Variants in KLRK1 observed in about 807,000 individuals in gnomAD.
The protein encoded by KLRK1 is NKG2-D type II integral membrane protein.
Under a neutral mutation model 31.3 loss-of-function variants are expected in KLRK1, and 40 were observed. The ratio of observed to expected loss-of-function variants is 1.28; its 90% CI spans 0.99 to 1.67. The LOEUF (loss-of-function observed/expected upper bound fraction) is 1.67, where lower values mean the gene tolerates loss of function less well. Among genes scored for constraint, KLRK1 ranks in the 40% most tolerant of loss-of-function variants. The probability of loss-of-function intolerance (pLI) is 0.00; values close to 1 mark genes in which losing one functional copy is unlikely to be tolerated. For synonymous variants in KLRK1, 77 were observed against 77.3 expected (o/e 1.00, Z 0.02); for missense variants, 251 against 260.0 (o/e 0.97, Z 0.24).
At chr12:10,375,101 A>T (rs60033883) in intron 7 of KLRK1, among the ~76,000 whole-genome samples, 1 of 152,186 alleles carries the variant, frequency 6.6e-6, no homozygotes, top group Admixed American at 6.5e-5. Flanking sequence ...TCTAAGGTAT[A>T]CTGGGGCTTC....
At chr12:10,374,322 A>G (rs1162610737) in intron 7 of KLRK1, among the ~76,000 whole-genome samples, 1 of 141,200 alleles carries the variant, frequency 7.1e-6, no homozygotes, top group Non-Finnish European at 1.5e-5. Flanking sequence ...CCCAGCTGAG[A>G]TTTTTTAATA....
At chr12:10,377,201 C>T (rs7952993) in intron 7 of KLRK1, among the ~76,000 whole-genome samples, 8,813 of 152,206 alleles carry the variant, frequency 0.058, 550 homozygotes, top group South Asian at 0.27. Context: ...TTACATACTG[C>T]TAGGTAGAAA....
At position 10,380,158 on chromosome 12, in the gene KLRK1, T is replaced by C. The variant is rs548231651; in HGVS notation, c.149-366A>G. ...TCGGCTCACTGCAAGCTCCACCTCCTGGGTTCACGCCATTCTCCTGCCTCA... is the reference window on the plus strand; with the variant it reads ...TCGGCTCACTGCAAGCTCCACCTCCCGGGTTCACGCCATTCTCCTGCCTCA... On this transcript the variant is annotated intron_variant, in intron 3 of 7. Coordinates refer to ENST00000240618, the MANE Select transcript of KLRK1 (RefSeq NM_007360.4). 2.4e-4 allele frequency among the ~76,000 whole-genome samples: 34 copies of C among 140,376 alleles called. No individual in the cohort carries two copies. The South Asian group carries it at 6.9e-3, about 28-fold the overall frequency. 92.1% of individuals were successfully genotyped at this position (140,376 alleles called of 152,430 possible).
chr12:10,385,166 T>C (rs1863143209), intron 3 of KLRK1, among the ~76,000 whole-genome samples: 1 of 152,022 alleles, frequency 6.6e-6, no homozygotes, highest in South Asian at 2.1e-4. Flanking sequence ...ATAGCCATTA[T>C]GGAAACAGTA....
At chr12:10,380,286 C>T (rs563706345) in intron 3 of KLRK1, among the ~76,000 whole-genome samples, 54 of 152,094 alleles carry the variant, frequency 3.6e-4, no homozygotes, top group African/African-American at 1.2e-3. Flanking sequence ...AGGACGGTCT[C>T]GATCTCCTGA....
rs776245252 is a variant in KLRK1 at position 10,378,631 on chromosome 12, T to C, written c.352A>G (p.Lys118Glu). ...GAAGCCTGGCTCTCATACCAGTTTT[T>C]ACTCTCATCAAAAAATTGGTAGCAG... ...NNCYQFFDESKNWYESQASCM... is the reference protein window; with the variant it reads ...NNCYQFFDESENWYESQASCM... The change falls in exon 6 of 8, where the codon AAA becomes GAA. Residue 118 changes from lysine to glutamate, a missense_variant. Physicochemically the swap from Lys to Glu is moderately conservative, Grantham distance 56 (BLOSUM62 1). Transcript: ENST00000240618. 5 of 1,611,672 alleles carry C rather than the reference T, an allele frequency of 3.1e-6. No individual in the cohort carries two copies. The highest frequency in any genetic ancestry group is 4.2e-6 in the Non-Finnish European group (5 of 1,179,508).
At chr12:10,382,279 C>T (rs1478310) in intron 3 of KLRK1, 113,336 of 152,152 alleles carry the variant, frequency 0.74, 43,117 homozygotes, top group South Asian at 0.88. Flanking sequence ...CAAATGAGAT[C>T]ACCACAAGAC....
At chr12:10,377,530 G>T (rs1009290843) in intron 7 of KLRK1, among the ~76,000 whole-genome samples, 1 of 152,048 alleles carries the variant, frequency 6.6e-6, no homozygotes, top group Admixed American at 6.6e-5. Flanking sequence ...CATTGCAAAT[G>T]ATATATATTG....
chr12:10,379,521 T>C, intron 4 of KLRK1, 39 bp from the exon 5 acceptor site: 1 of 1,355,202 alleles, frequency 7.4e-7, no homozygotes, highest in Non-Finnish European at 1.0e-6. Flanking sequence ...TTTGTATTGT[T>C]AGTAACTTAT....
At chr12:10,373,267 TTTA>T in intron 7 of KLRK1, 36 bp from the exon 8 acceptor site, 1 of 1,515,102 alleles carries the variant, frequency 6.6e-7, no homozygotes, top group Non-Finnish European at 8.9e-7. Context: ...CATACATGAT[TTTA>T]TTAACGCGGG....
In KLRK1 at chr12:10,387,002, C is replaced by T; in HGVS notation, c.49G>A (p.Glu17Lys). 2 of 1,609,520 alleles carry T rather than the reference C, an allele frequency of 1.2e-6. No homozygotes were observed. The highest frequency in any genetic ancestry group is 1.7e-6 in the Non-Finnish European group (2 of 1,177,768). The stretch of plus-strand genomic sequence containing the variant: ...AGATCCAAGTTATAATTATGAAATT[C>T]ACTCATCTCTAGAGAAAAAGAATTC... ...RRSRHSWEMS[E>K]FHNYNLDLKK... is the part of the protein sequence containing the mutation. The change falls in exon 3 of 8, where the codon GAA (glutamate) becomes AAA (lysine). Residue 17 changes from glutamate (E) to lysine (K), a missense_variant. By Grantham distance (56) the Glu-to-Lys change is moderately conservative. Transcript: ENST00000240618.
chr12:10,389,658 TAA>T (rs1483387883), intron 1 of KLRK1, among the ~76,000 whole-genome samples: 1 of 152,106 alleles, frequency 6.6e-6, no homozygotes. Flanking sequence ...ATCCTAAATG[TAA>T]AGATTCATTT....
At chr12:10,384,817 GAAT>G (rs1268924906) in intron 3 of KLRK1, among the ~76,000 whole-genome samples, 3 of 151,962 alleles carry the variant, frequency 2.0e-5, no homozygotes, top group Non-Finnish European at 4.4e-5. Flanking sequence ...ACAACTTGTA[GAAT>G]AAGAGAAAAT....
At chr12:10,384,405 C>A (rs1461275762) in intron 3 of KLRK1, among the ~76,000 whole-genome samples, 1 of 151,850 alleles carries the variant, frequency 6.6e-6, no homozygotes, top group Non-Finnish European at 1.5e-5. Context: ...AAAATAGACA[C>A]CTAGACCAAT....
At position 10,382,501 on chromosome 12, in the gene KLRK1, C is replaced by T. The variant is rs368456201; in HGVS notation, c.149-2709G>A. Among the ~76,000 whole-genome samples the T allele has an allele frequency of 1.3e-4, 20 of 152,144 alleles. No homozygotes were observed. In the East Asian group the frequency reaches 3.1e-3, roughly 24 times the overall value. ...GAGATACCGTACCCAGCAAAACTATCGACATGATGGAGAGAAAAAGTATTT... is the reference window on the plus strand; with the variant it reads ...GAGATACCGTACCCAGCAAAACTATTGACATGATGGAGAGAAAAAGTATTT... On this transcript the variant is annotated intron_variant, in intron 3 of 7. Coordinates refer to ENST00000240618, the MANE Select transcript of KLRK1 (RefSeq NM_007360.4).
In KLRK1 at chr12:10,373,030, G is replaced by T; in HGVS notation, c.*84C>A. The T allele has an allele frequency of 1.6e-6, 2 of 1,241,928 alleles. No homozygotes were observed. Among genetic ancestry groups the T allele is most frequent in the Admixed American group, 2.1e-5 (1 of 47,254 alleles). The allele number at this position is 1,241,928 out of a possible 1,614,324, so 76.9% of individuals were successfully genotyped here. A position where few individuals can be genotyped will look rare whatever the true frequency, so the allele number is the denominator to read the frequency against. ...TGGTCATTTTGTCCTGTTTTTGTTT[G>T]TTTCCTTTAGTCTCAGTTGGCAGTG... On this transcript the variant is annotated 3_prime_UTR_variant, in exon 8 of 8. Transcript: ENST00000240618.
At chr12:10,382,720 T>A (rs1005463264) in intron 3 of KLRK1, among the ~76,000 whole-genome samples, 1 of 152,164 alleles carries the variant, frequency 6.6e-6, no homozygotes, top group Non-Finnish European at 1.5e-5. Flanking sequence ...TTGTGGTGCC[T>A]CAACCACTCA....
Position 10,373,706 on chromosome 12 carries a change from G to GTGTGTGTGTA in KLRK1, c.534-476_534-475insTACACACACA, listed in dbSNP as rs1555118580. 1.8e-3 allele frequency among the ~76,000 whole-genome samples: 277 copies of GTGTGTGTGTA among 151,672 alleles called. 5 individuals are homozygous for GTGTGTGTGTA. Among genetic ancestry groups the GTGTGTGTGTA allele is most frequent in the African/African-American group, 6.2e-3 (255 of 41,384 alleles). ...CACAAGTGTGTATAAGTGTGTGTGT[G>GTGTGTGTGTA]TGTGTGTGTGCATATGTTTAGGCAT... On this transcript the variant is annotated intron_variant, in intron 7 of 7. Transcript: ENST00000240618.
chr12:10,374,407 T>C (rs1862924950), intron 7 of KLRK1, among the ~76,000 whole-genome samples: 1 of 150,932 alleles, frequency 6.6e-6, no homozygotes, highest in Non-Finnish European at 1.5e-5. Context: ...CTTTTTTTTT[T>C]TTTTGACAGT....
Sources: allele counts gnomAD v4.1 joint callset (sites outside exome capture counted in the v4.1 genomes callset), GRCh38; gene constraint gnomAD v4.1.1; transcripts MANE v1.5; gene names NCBI Gene and HGNC (gene_info 2026-07-23, HGNC 2026-07-21).